Variants in BCL11A observed in about 807,000 individuals in gnomAD.
BCL11A encodes BCL11 transcription factor A.
Under a neutral mutation model 55.9 loss-of-function variants are expected in BCL11A, and 2 were observed. The observed-to-expected ratio is 0.04, with a 90% CI of 0.01 to 0.11. The LOEUF (loss-of-function observed/expected upper bound fraction) is 0.11. Among genes scored for constraint, BCL11A ranks in the 10% least tolerant of loss-of-function variants. The pLI is 1.00. For synonymous variants in BCL11A, 465 were observed against 473.4 expected (o/e 0.98, Z 0.23); for missense variants, 817 against 1,137.1 (o/e 0.72, Z 4.05).
At chr2:60,517,334 C>T (rs1668778825) in intron 2 of BCL11A, among the ~76,000 whole-genome samples, 1 of 152,192 alleles carries the variant, frequency 6.6e-6, no homozygotes, top group African/African-American at 2.4e-5. Flanking sequence ...AGAAGGGCCA[C>T]ACTTTGGGAG....
chr2:60,549,272 T>A (rs182716378), intron 1 of BCL11A, among the ~76,000 whole-genome samples: 2 of 151,992 alleles, frequency 1.3e-5, no homozygotes. Context: ...GGGAAAAAAA[T>A]AATCCTTATA....
intron 2 of BCL11A, chr2:60,537,937 G>A (rs1021930127): frequency 6.6e-6 from 1 of 152,154 alleles, no homozygotes; most frequent in Non-Finnish European, 1.5e-5. Context: ...AAATCAAATT[G>A]TAGGTGCAAT....
At chr2:60,468,865 G>T in intron 2 of BCL11A, 32 bp from the exon 3 acceptor site, 1 of 1,384,906 alleles carries the variant, frequency 7.2e-7, no homozygotes, top group Non-Finnish European at 1.0e-6. Context: ...AAGCACTACA[G>T]CTACAAACAA....
chr2:60,523,506 T>C (rs1482101195), intron 2 of BCL11A, among the ~76,000 whole-genome samples: 2 of 152,134 alleles, frequency 1.3e-5, no homozygotes, highest in Admixed American at 1.3e-4. Context: ...TCTCCCTTTC[T>C]ACACACACAC....
At chr2:60,532,328 G>GTT (rs546467088) in intron 2 of BCL11A, among the ~76,000 whole-genome samples, 1 of 139,148 alleles carries the variant, frequency 7.2e-6, no homozygotes, top group Non-Finnish European at 1.6e-5. Context: ...TGGTTTTTGG[G>GTT]TTTTTTTTTT....
chr2:60,493,510 A>G (rs1678768999), intron 2 of BCL11A, among the ~76,000 whole-genome samples: 1 of 152,020 alleles, frequency 6.6e-6, no homozygotes, highest in African/African-American at 2.4e-5. Flanking sequence ...CCGAATAGAA[A>G]CCTCTCCACT....
intron 2 of BCL11A, among the ~76,000 whole-genome samples, chr2:60,482,766 A>C (rs902248182): frequency 2.0e-5 from 3 of 152,234 alleles, no homozygotes; most frequent in Non-Finnish European, 4.4e-5. Context: ...TTAGTACCAC[A>C]CTACATTTAA....
At chr2:60,544,778 G>T (rs1268017555) in intron 2 of BCL11A, 1 of 152,220 alleles carries the variant, frequency 6.6e-6, no homozygotes, top group South Asian at 2.1e-4. Context: ...GTAGATGGAA[G>T]AAAGCGATCC....
chr2:60,533,014 AC>A (rs1669526813), intron 2 of BCL11A: 1 of 152,240 alleles, frequency 6.6e-6, no homozygotes, highest in African/African-American at 2.4e-5. Context: ...CCCTGGGTAC[AC>A]TAGATTATGC....
At chr2:60,525,944 T>C (rs1261617568) in intron 2 of BCL11A, 1 of 152,242 alleles carries the variant, frequency 6.6e-6, no homozygotes, top group Non-Finnish European at 1.5e-5. Context: ...TCATTCGTGT[T>C]TGGTAATCAA....
rs1558519177 is a variant in BCL11A at position 60,546,064 on chromosome 2, G to A, written c.292C>T (p.Pro98Ser). ...SPIEMKKASN[P>S]VEVGIQVTPE... ...GTGACCTGGATGCCAACCTCCACGG[G>A]ATTGGATGCTTTTTTCATCTCGATT... is the stretch of plus-strand genomic sequence containing the variant. Residue 98 changes from proline to serine, a missense_variant, in exon 2 of 4, where the codon CCC (proline) becomes TCC (serine). By Grantham distance (74) the Pro-to-Ser change is moderately conservative. Coordinates refer to ENST00000642384, the MANE Select transcript of BCL11A (RefSeq NM_022893.4). The surrounding 1 kb of genome is among the most constrained non-coding windows in gnomAD (Gnocchi z 4.1). 1 of 1,614,234 alleles carries A rather than the reference G, an allele frequency of 6.2e-7. No individual in the cohort carries two copies. The highest frequency in any genetic ancestry group is 1.3e-5 in the African/African-American group (1 of 75,066).
downstream of BCL11A, among the ~76,000 whole-genome samples, chr2:60,454,577 T>C (rs992197353): frequency 2.6e-5 from 4 of 152,084 alleles, no homozygotes; most frequent in Non-Finnish European, 2.9e-5. Context: ...TAAGAAGTCA[T>C]GTTCATGTGT....
Position 60,459,315 on chromosome 2 carries a change from T to G in BCL11A, c.*1089A>C. 9.8e-7 allele frequency: 1 copy of G among 1,016,702 alleles called. No individual in the cohort carries two copies. The highest frequency in any genetic ancestry group is 4.6e-5 in the South Asian group (1 of 21,518). The allele number at this position is 1,016,702 out of a possible 1,614,324, so 63.0% of individuals were successfully genotyped here. On this transcript the variant is annotated 3_prime_UTR_variant, in exon 4 of 4. Transcript: ENST00000642384. ...TATTAAAGCAAATATCTTCATAAAA[T>G]GAACTCCTTACTAGTGTATTTAATT... is the stretch of plus-strand genomic sequence containing the variant.
In BCL11A at chr2:60,459,746, G is replaced by T. The variant is rs1171181316; in HGVS notation, c.*658C>A. 9.6e-7 allele frequency: 1 copy of T among 1,039,490 alleles called. No individual in the cohort carries two copies. The highest frequency in any genetic ancestry group is 1.2e-6 in the Non-Finnish European group (1 of 862,854). 64.4% of individuals were successfully genotyped at this position (1,039,490 alleles called of 1,614,324 possible). A position where few individuals can be genotyped will look rare whatever the true frequency, so the allele number is the denominator to read the frequency against. ...TTTTCTGTTAATTTGTCAATTCAAGGCCTTTTTTCTTCCTTTCCAATTGAT... is the reference window on the plus strand; with the variant it reads ...TTTTCTGTTAATTTGTCAATTCAAGTCCTTTTTTCTTCCTTTCCAATTGAT... On this transcript the variant is annotated 3_prime_UTR_variant, in exon 4 of 4. Transcript: ENST00000642384.
At chr2:60,486,238 A>T (rs1678268248) in intron 2 of BCL11A, among the ~76,000 whole-genome samples, 1 of 152,198 alleles carries the variant, frequency 6.6e-6, no homozygotes, top group Non-Finnish European at 1.5e-5. Context: ...GCTCCTTTCC[A>T]GAGAATGACT....
chr2:60,519,291 AT>A (rs1372026512), intron 2 of BCL11A, among the ~76,000 whole-genome samples: 1 of 152,210 alleles, frequency 6.6e-6, no homozygotes, highest in African/African-American at 2.4e-5. Flanking sequence ...TATAACCTCC[AT>A]ATTGAGAGAC....
intron 1 of BCL11A, among the ~76,000 whole-genome samples, chr2:60,551,878 G>A (rs1670428001): frequency 1.3e-5 from 2 of 151,492 alleles, no homozygotes; most frequent in African/African-American, 2.4e-5. Context: ...CTCCGGGGCT[G>A]CCGCGCCGCG....
At chr2:60,511,228 C>T (rs1156857459) in intron 2 of BCL11A, among the ~76,000 whole-genome samples, 1 of 152,222 alleles carries the variant, frequency 6.6e-6, no homozygotes, top group Non-Finnish European at 1.5e-5. Flanking sequence ...GAGAAGGAGG[C>T]CATGGCAAAG....
rs1425289742 is a variant in BCL11A at position 60,457,523 on chromosome 2, A to G, written c.*2881T>C. ...TTCATTACAGGAATAGAAAAGGCCA[A>G]TAACAAAATATTCTGCATTGCCATT... On this transcript the variant is annotated 3_prime_UTR_variant, in exon 4 of 4. Transcript: ENST00000642384. The G allele has an allele frequency of 9.6e-7, 1 of 1,046,510 alleles. No individual in the cohort carries two copies. Among genetic ancestry groups the G allele is most frequent in the Non-Finnish European group, 1.2e-6 (1 of 866,996 alleles). The allele number at this position is 1,046,510 out of a possible 1,614,324, so 64.8% of individuals were successfully genotyped here.
Sources: allele counts gnomAD v4.1 joint callset (sites outside exome capture counted in the v4.1 genomes callset), GRCh38; gene constraint gnomAD v4.1.1; non-coding constraint Gnocchi (gnomAD v3.1); transcripts MANE v1.5; gene names NCBI Gene and HGNC (gene_info 2026-07-23, HGNC 2026-07-21).